RPUSD3: variants seen among roughly 807,000 people sequenced by gnomAD.
The protein encoded by RPUSD3 is mitochondrial mRNA pseudouridine synthase RPUSD3.
A neutral mutation model predicts 35.1 loss-of-function variants in RPUSD3; 36 were observed. That is an observed-to-expected ratio of 1.02 (90% CI 0.79 to 1.35). RPUSD3 has a LOEUF of 1.35. RPUSD3 is among the 40% of genes most tolerant of loss of function. The probability of loss-of-function intolerance (pLI) is 0.00; values close to 1 mark genes in which losing one functional copy is unlikely to be tolerated. For missense variants in RPUSD3, 486 were observed against 441.9 expected, an observed-to-expected ratio of 1.10 and a Z score of -0.89; for synonymous variants, 202 against 187.8, an observed-to-expected ratio of 1.08 and a Z score of -0.62.
chr3:9,843,892 G>A (rs748005699), exon 1 of RPUSD3: 1 of 1,603,394 alleles, frequency 6.2e-7, no homozygotes, highest in African/African-American at 1.3e-5. Context: ...TTAATCACCG[G>A]GCTTCGGTGC....
At chr3:9,838,072 G>A (rs929954994) in exon 9 of RPUSD3, 3 of 1,609,748 alleles carry the variant, frequency 1.9e-6, no homozygotes, top group African/African-American at 1.3e-5. Flanking sequence ...GGGGGCAGTG[G>A]TGCCAGGAGC....
At chr3:9,843,854 C>T (rs2082140517) in intron 1 of RPUSD3, 36 bp downstream of exon 1, 1 of 1,577,852 alleles carries the variant, frequency 6.3e-7, no homozygotes, top group Admixed American at 1.9e-5. Context: ...CCTGCCCTAG[C>T]CTCCGTCCCG....
intron 4 of RPUSD3, chr3:9,841,479 TTGTG>T (rs57641804): frequency 1.3e-5 from 2 of 154,792 alleles, no homozygotes; most frequent in African/African-American, 2.5e-5. Flanking sequence ...AGCTAGGTTT[TTGTG>T]TGTGTGTGTG....
rs551406255 is a variant in RPUSD3, at chr3:9,841,005, C to T, written c.408-200G>A. The T allele has an allele frequency of 1.0e-4, 43 of 410,696 alleles. No homozygotes were observed. In the South Asian group the frequency reaches 1.5e-3, roughly 14 times the overall value. 25.4% of individuals were successfully genotyped at this position (410,696 alleles called of 1,614,324 possible). A position where few individuals can be genotyped will look rare whatever the true frequency, so the allele number is the denominator to read the frequency against. ...GCTTAATGTGTTTCTCATTTTGCCC[C>T]GGCCCCCAGGGAACTCAGAGCCAAA... On this transcript the variant is annotated intron_variant, in intron 4 of 8. Transcript: ENST00000383820.
chr3:9,843,636 C>T, intron 1 of RPUSD3, 35 bp from the exon 2 acceptor site: 1 of 1,609,704 alleles, frequency 6.2e-7, no homozygotes, highest in Admixed American at 1.7e-5. Flanking sequence ...GGAGTCATTC[C>T]ATCCCGAGGT....
At chr3:9,838,348 A>AT in intron 8 of RPUSD3, 141 bp from the exon 9 acceptor site, 11 of 779,120 alleles carry the variant, frequency 1.4e-5, no homozygotes, top group Non-Finnish European at 2.3e-5. Context: ...CTCTTTGCAC[A>AT]CAGATGTGCA....
Position 9,840,079 on chromosome 3 carries a change from A to C in RPUSD3, c.724+105T>G, listed in dbSNP as rs962818748. On this transcript the variant is annotated intron_variant, in intron 7 of 8. Coordinates refer to ENST00000383820, the Ensembl canonical transcript of RPUSD3. ...TAGTTTTTAGTTGAAACAGGGTTTC[A>C]CCATCTTGGCCAGACTGGTCTTGAA... The C allele has an allele frequency of 4.9e-6, 7 of 1,432,350 alleles. No homozygotes were observed. The African/African-American group carries it at 8.6e-5, about 18-fold the overall frequency. The allele number at this position is 1,432,350 out of a possible 1,614,324, so 88.7% of individuals were successfully genotyped here.
At chr3:9,838,698 C>A (rs2082059891) in intron 8 of RPUSD3, among the ~76,000 whole-genome samples, 1 of 152,168 alleles carries the variant, frequency 6.6e-6, no homozygotes, top group South Asian at 2.1e-4. Flanking sequence ...GTAGTCTGGG[C>A]TTAGTGTGTT....
At chr3:9,839,387 T>G in intron 7 of RPUSD3, 1 of 503,892 alleles carries the variant, frequency 2.0e-6, no homozygotes, top group South Asian at 2.8e-5. Flanking sequence ...GATCCACTCA[T>G]GATGAGATGC....
chr3:9,843,270 CCACTCTTAACCCTA>C, intron 2 of RPUSD3, 181 bp downstream of exon 2: 2 of 702,200 alleles, frequency 2.8e-6, no homozygotes, highest in South Asian at 1.9e-5. Context: ...CATCTTCTCC[CCACTCTTAACCCTA>C]CTGCATCATG....
intron 3 of RPUSD3, 46 bp downstream of exon 3, chr3:9,842,153 G>T: frequency 6.2e-7 from 1 of 1,613,240 alleles, no homozygotes; most frequent in East Asian, 2.2e-5. Context: ...CCTCAGTCAC[G>T]AAACCCCCTT....
chr3:9,843,973 A>G, exon 1 of RPUSD3: 1 of 1,605,696 alleles, frequency 6.2e-7, no homozygotes, highest in Non-Finnish European at 8.5e-7. Flanking sequence ...ACCGGCCCAA[A>G]ACACGGCGGC....
At chr3:9,838,486 T>C (rs1193300027) in intron 8 of RPUSD3, among the ~76,000 whole-genome samples, 1 of 152,180 alleles carries the variant, frequency 6.6e-6, no homozygotes, top group East Asian at 1.9e-4. Context: ...GAGTGAGCTC[T>C]AGCTGAGTGA....
At chr3:9,840,057 T>C in intron 7 of RPUSD3, 127 bp downstream of exon 7, 1 of 1,267,026 alleles carries the variant, frequency 7.9e-7, no homozygotes, top group Admixed American at 2.7e-5. Flanking sequence ...ATTTTTGTAG[T>C]TTTTAGTTGA....
chr3:9,843,301 G>T, intron 2 of RPUSD3, 164 bp downstream of exon 2: 3 of 906,742 alleles, frequency 3.3e-6, no homozygotes, highest in South Asian at 1.6e-5. Context: ...CATGGCAGTA[G>T]GGTTAAAAGC....
At chr3:9,840,482 A>G in intron 6 of RPUSD3, 50 bp downstream of exon 6, 1 of 1,600,520 alleles carries the variant, frequency 6.2e-7, no homozygotes, top group Non-Finnish European at 8.6e-7. Context: ...TCCTCTCTGT[A>G]GGGGTACTAT....
chr3:9,839,202 G>A, intron 7 of RPUSD3, 31 bp from the exon 8 acceptor site: 2 of 1,591,794 alleles, frequency 1.3e-6, no homozygotes, highest in East Asian at 2.2e-5. Flanking sequence ...GAGAGACAGT[G>A]GGCAGCTACT....
rs763111569 is a variant in RPUSD3 at position 9,843,615 on chromosome 3, G to A, written c.126-14C>T. On this transcript the variant is annotated splice_polypyrimidine_tract_variant and intron_variant, in intron 1 of 8. Transcript: ENST00000383820. ...TGCCTCTGATGCCTGGACAAGGAGG[G>A]AGAAGCAATGGGAGTCATTCCATCC... The A allele has an allele frequency of 2.5e-6, 4 of 1,613,164 alleles. No homozygotes were observed. In the African/African-American group the frequency reaches 4.0e-5, roughly 16 times the overall value.
Position 9,843,870 on chromosome 3 carries a change from G to A in RPUSD3, c.125+20C>T. On this transcript the variant is annotated intron_variant, in intron 1 of 8. Coordinates refer to ENST00000383820, the Ensembl canonical transcript of RPUSD3. The stretch of plus-strand genomic sequence containing the variant: ...CTGCCCTAGCCTCCGTCCCGCATGA[G>A]AGAGGGGGTACTTAATCACCGGGCT... The A allele has an allele frequency of 1.9e-6, 3 of 1,594,560 alleles. No homozygotes were observed. The highest frequency in any genetic ancestry group is 2.6e-6 in the Non-Finnish European group (3 of 1,171,216).
Sources: allele counts gnomAD v4.1 joint callset (sites outside exome capture counted in the v4.1 genomes callset), GRCh38; gene constraint gnomAD v4.1.1; transcripts MANE v1.5; gene names NCBI Gene and HGNC (gene_info 2026-07-23, HGNC 2026-07-21).